ATXN7L1: variants seen among roughly 807,000 people sequenced by gnomAD.
ATXN7L1 encodes ataxin-7-like protein 1.
A neutral mutation model predicts 70.8 loss-of-function variants in ATXN7L1; 15 were observed. The observed-to-expected ratio is 0.21, with a 90% CI of 0.14 to 0.33. The LOEUF is 0.33. Among genes scored for constraint, ATXN7L1 ranks in the 10% least tolerant of loss-of-function variants. ATXN7L1 has a pLI of 1.00. For missense variants in ATXN7L1, 975 were observed against 1,097.1 expected, an observed-to-expected ratio of 0.89 and a Z score of 1.57; for synonymous variants, 440 against 445.1, an observed-to-expected ratio of 0.99 and a Z score of 0.14.
At chr7:105,809,372 A>T (rs980615107) in intron 2 of ATXN7L1, among the ~76,000 whole-genome samples, 16 of 152,076 alleles carry the variant, frequency 1.1e-4, no homozygotes, top group African/African-American at 3.9e-4. Flanking sequence ...TCTAGAACTG[A>T]CTCAGCTTGC....
At chr7:105,844,905 A>G (rs1256119034) in intron 2 of ATXN7L1, among the ~76,000 whole-genome samples, 3 of 152,148 alleles carry the variant, frequency 2.0e-5, no homozygotes, top group Non-Finnish European at 4.4e-5. Context: ...AAAAGAACAT[A>G]CATAAGAATC....
At chr7:105,632,848 G>T (rs1176681035) in intron 7 of ATXN7L1, among the ~76,000 whole-genome samples, 2 of 146,090 alleles carry the variant, frequency 1.4e-5, no homozygotes, top group Non-Finnish European at 3.0e-5. Context: ...TTGAACCCAG[G>T]AGTTTGAAGC....
chr7:105,749,531 C>A (rs1798948106), intron 3 of ATXN7L1, among the ~76,000 whole-genome samples: 1 of 150,316 alleles, frequency 6.7e-6, no homozygotes. Flanking sequence ...ATGGGACACA[C>A]AAGAATCACC....
chr7:105,741,218 G>A (rs531939211), intron 3 of ATXN7L1, among the ~76,000 whole-genome samples: 1 of 152,234 alleles, frequency 6.6e-6, no homozygotes, highest in African/African-American at 2.4e-5. Context: ...CTCCTCTCAG[G>A]ACAGAACAGA....
intron 3 of ATXN7L1, among the ~76,000 whole-genome samples, chr7:105,768,405 C>T (rs1205720395): frequency 2.6e-5 from 4 of 152,178 alleles, no homozygotes; most frequent in African/African-American, 7.2e-5. Flanking sequence ...TCTCAACTTC[C>T]TATTCAACAA....
intron 4 of ATXN7L1, among the ~76,000 whole-genome samples, chr7:105,648,629 C>T (rs1249593170): frequency 6.6e-6 from 1 of 152,144 alleles, no homozygotes; most frequent in Admixed American, 6.5e-5. Context: ...ACAGATCCCG[C>T]GTGTGCCTAT....
chr7:105,875,951 G>A, intron 1 of ATXN7L1, 71 bp from the exon 2 acceptor site: 1 of 1,313,824 alleles, frequency 7.6e-7, no homozygotes, highest in South Asian at 1.2e-5. Flanking sequence ...AGTCAAGGGG[G>A]GAGGGAGAGT....
intron 3 of ATXN7L1, among the ~76,000 whole-genome samples, chr7:105,689,951 CT>C (rs1286580616): frequency 2.6e-5 from 4 of 152,210 alleles, no homozygotes; most frequent in Non-Finnish European, 4.4e-5. Flanking sequence ...CGTCAAAGGC[CT>C]AAAGCAAGGA....
chr7:105,844,166 C>T (rs1563138218), intron 2 of ATXN7L1, among the ~76,000 whole-genome samples: 1 of 152,282 alleles, frequency 6.6e-6, no homozygotes, highest in South Asian at 2.1e-4. Context: ...GCAGAAGTTG[C>T]AAGACCCTTG....
At chr7:105,676,579 C>A (rs965486500) in intron 3 of ATXN7L1, among the ~76,000 whole-genome samples, 1 of 152,154 alleles carries the variant, frequency 6.6e-6, no homozygotes, top group Admixed American at 6.5e-5. Context: ...GTGGCTCACA[C>A]CTGTAATCCC....
chr7:105,801,043 T>C (rs1806739794), intron 2 of ATXN7L1, among the ~76,000 whole-genome samples: 3 of 152,200 alleles, frequency 2.0e-5, no homozygotes, highest in Non-Finnish European at 2.9e-5. Flanking sequence ...GGGCCTCAGT[T>C]TCCTCATCTG....
At chr7:105,693,130 C>T (rs1339922393) in intron 3 of ATXN7L1, among the ~76,000 whole-genome samples, 1 of 152,162 alleles carries the variant, frequency 6.6e-6, no homozygotes, top group Non-Finnish European at 1.5e-5. Context: ...TTTTAGTTAC[C>T]TGAGGAGTTC....
At chr7:105,830,083 G>A (rs1811393490) in intron 2 of ATXN7L1, among the ~76,000 whole-genome samples, 1 of 152,178 alleles carries the variant, frequency 6.6e-6, no homozygotes, top group African/African-American at 2.4e-5. Flanking sequence ...CCATTTTAAA[G>A]ATGAGGACAA....
intron 7 of ATXN7L1, among the ~76,000 whole-genome samples, chr7:105,635,936 G>C (rs1457205486): frequency 6.6e-6 from 1 of 151,546 alleles, no homozygotes; most frequent in African/African-American, 2.4e-5. Context: ...GTTTTTGTAA[G>C]TTTTGTGTGA....
intron 3 of ATXN7L1, among the ~76,000 whole-genome samples, chr7:105,694,071 A>T (rs979175693): frequency 1.4e-4 from 20 of 145,868 alleles, no homozygotes; most frequent in Non-Finnish European, 2.3e-4. Flanking sequence ...TTTTTAAGGC[A>T]GAGTCTCGCT....
intron 2 of ATXN7L1, among the ~76,000 whole-genome samples, chr7:105,866,396 T>C (rs1817479893): frequency 6.6e-6 from 1 of 152,302 alleles, no homozygotes; most frequent in Admixed American, 6.5e-5. Flanking sequence ...AGAATTGTGT[T>C]GAGAAACCAC....
At chr7:105,750,908 A>G (rs1192173835) in intron 3 of ATXN7L1, among the ~76,000 whole-genome samples, 2 of 152,090 alleles carry the variant, frequency 1.3e-5, no homozygotes, top group Admixed American at 6.5e-5. Context: ...TCTGGTTCCA[A>G]TGTGATTTTC....
chr7:105,693,994 G>A (rs1409529720), intron 3 of ATXN7L1, among the ~76,000 whole-genome samples: 1 of 151,932 alleles, frequency 6.6e-6, no homozygotes, highest in Non-Finnish European at 1.5e-5. Context: ...GGGAAAGGAG[G>A]AGGGTGGAAG....
At chr7:105,617,587 G>A (rs1239740256) in intron 9 of ATXN7L1, among the ~76,000 whole-genome samples, 1 of 149,648 alleles carries the variant, frequency 6.7e-6, no homozygotes, top group East Asian at 1.9e-4. Flanking sequence ...CTGTCCCCAG[G>A]AGTCCCTTCC....
Sources: allele counts gnomAD v4.1 joint callset (sites outside exome capture counted in the v4.1 genomes callset), GRCh38; gene constraint gnomAD v4.1.1; transcripts MANE v1.5; gene names NCBI Gene and HGNC (gene_info 2026-07-23, HGNC 2026-07-21).